DNAH14: variants seen among roughly 807,000 people sequenced by gnomAD.
DNAH14 encodes the protein axonemal beta dynein heavy chain 14.
Under a neutral mutation model 520.9 loss-of-function variants are expected in DNAH14, and 478 were observed. That is an observed-to-expected ratio of 0.92 (90% CI 0.85 to 0.99). DNAH14 has a LOEUF of 0.99. Ranked by LOEUF, DNAH14 falls within the 50% of genes least tolerant of loss-of-function variation. The probability of loss-of-function intolerance (pLI) is 0.00; values close to 1 mark genes in which losing one functional copy is unlikely to be tolerated. For missense variants in DNAH14, 4,831 were observed against 5,234.5 expected (o/e 0.92, Z 2.38); for synonymous variants, 1,581 against 1,757.2 (o/e 0.90, Z 2.51).
chr1:225,229,792 G>A (rs185207652), intron 41 of DNAH14, among the ~76,000 whole-genome samples: 2 of 152,216 alleles, frequency 1.3e-5, no homozygotes, highest in African/African-American at 4.8e-5. Context: ...GGGAGGGATA[G>A]CACTAGGAGA....
In DNAH14 at chr1:225,364,849, A is replaced by G. The variant is rs2150578883; in HGVS notation, c.12045A>G (p.Lys4015=). ...DPEFRLWLSS[K]SYSSFPIPVL... is the part of the protein sequence containing the mutation. ...AGTTTCGGCTATGGTTAAGCTCAAA[A>G]TCATACAGTTCTTTTCCAATTCCTG... Residue 4015 remains lysine, a synonymous_variant, in exon 76 of 86, where the codon AAA becomes AAG. Coordinates refer to ENST00000682510, the MANE Select transcript of DNAH14 (RefSeq NM_001367479.1). 5 of 1,549,056 alleles carry G rather than the reference A, an allele frequency of 3.2e-6. No homozygotes were observed. In the East Asian group the frequency reaches 9.8e-5, roughly 30 times the overall value.
intron 9 of DNAH14, among the ~76,000 whole-genome samples, chr1:225,003,278 G>A (rs985153816): frequency 6.6e-6 from 1 of 151,952 alleles, no homozygotes; most frequent in African/African-American, 2.4e-5. Flanking sequence ...CTTCAACTCA[G>A]AAGTTTTGGT....
chr1:225,278,427 C>T (rs547865420), intron 54 of DNAH14, among the ~76,000 whole-genome samples: 2 of 152,268 alleles, frequency 1.3e-5, no homozygotes, highest in South Asian at 4.2e-4. Context: ...CCACAGCCAC[C>T]ACGCTATTTA....
Position 225,185,324 on chromosome 1 carries a change from G to C in DNAH14, c.5569G>C (p.Gly1857Arg), listed in dbSNP as rs2084558143. 4 of 1,546,666 alleles carry C rather than the reference G, an allele frequency of 2.6e-6. No homozygotes were observed. Among genetic ancestry groups the C allele is most frequent in the East Asian group, 2.5e-5 (1 of 40,376 alleles). The change falls in exon 37 of 86, where the codon GGT becomes CGT. Residue 1857 changes from glycine (G) to arginine (R), a missense_variant. Transcript: ENST00000682510. Reference sequence around the variant, plus strand: ...TGGTGTGATGTTAGTGGGCCCAACAGGTGGAGGAAAGACAACAGTCAGAAG... The same window carrying C: ...TGGTGTGATGTTAGTGGGCCCAACACGTGGAGGAAAGACAACAGTCAGAAG... ...CVGVMLVGPTGGGKTTVRRIL... is the reference protein window; with the variant it reads ...CVGVMLVGPTRGGKTTVRRIL...
At chr1:225,088,786 T>A (rs1222006506) in intron 21 of DNAH14, among the ~76,000 whole-genome samples, 4 of 152,122 alleles carry the variant, frequency 2.6e-5, no homozygotes, top group African/African-American at 9.7e-5. Context: ...TCTGTAGATA[T>A]AAAATGTAAA....
intron 8 of DNAH14, among the ~76,000 whole-genome samples, chr1:224,999,456 C>T (rs12567812): frequency 0.055 from 8,387 of 152,152 alleles, 471 homozygotes; most frequent in East Asian, 0.23. Flanking sequence ...CTTCCTGCCT[C>T]GGCCTCCCAG....
chr1:225,168,283 G>A (rs952470510), intron 36 of DNAH14, among the ~76,000 whole-genome samples: 1 of 152,182 alleles, frequency 6.6e-6, no homozygotes, highest in Non-Finnish European at 1.5e-5. Context: ...TGAGGTAACG[G>A]GTTCATCGCA....
intron 17 of DNAH14, 36 bp downstream of exon 17, chr1:225,051,831 T>C: frequency 7.3e-7 from 1 of 1,365,054 alleles, no homozygotes; most frequent in African/African-American, 1.5e-5. Context: ...TGTAAGAATG[T>C]TTCAGATTAG....
chr1:225,153,617 G>A (rs1279019696), intron 33 of DNAH14, 133 bp from the exon 34 acceptor site: 1 of 574,328 alleles, frequency 1.7e-6, no homozygotes, highest in Non-Finnish European at 3.0e-6. Flanking sequence ...TATAACCAAG[G>A]GTTTTTTGGA....
chr1:225,267,220 C>CA (rs945417600), intron 49 of DNAH14, among the ~76,000 whole-genome samples: 1 of 147,704 alleles, frequency 6.8e-6, no homozygotes, highest in South Asian at 2.1e-4. Flanking sequence ...ATATCACAGT[C>CA]AAAAAAAATT....
intron 36 of DNAH14, among the ~76,000 whole-genome samples, chr1:225,182,253 C>T (rs1011549986): frequency 6.6e-6 from 1 of 151,928 alleles, no homozygotes; most frequent in East Asian, 1.9e-4. Flanking sequence ...AATGTGGACA[C>T]CTCATATATG....
intron 10 of DNAH14, among the ~76,000 whole-genome samples, chr1:225,018,051 G>T (rs148305205): frequency 2.6e-5 from 4 of 152,138 alleles, no homozygotes; most frequent in Non-Finnish European, 5.9e-5. Context: ...CTCCAGGAAA[G>T]GTTCTTAACC....
At chr1:225,081,967 C>T (rs900627791) in intron 19 of DNAH14, among the ~76,000 whole-genome samples, 6 of 151,746 alleles carry the variant, frequency 4.0e-5, no homozygotes, top group Admixed American at 2.6e-4. Flanking sequence ...CCATATTTAC[C>T]AAAATTTAAA....
intron 55 of DNAH14, among the ~76,000 whole-genome samples, chr1:225,296,101 A>G (rs2094000525): frequency 6.6e-6 from 1 of 152,052 alleles, no homozygotes. Flanking sequence ...ATCTTTTTCT[A>G]TCCCTTCACT....
At chr1:225,087,528 A>G (rs765634404) in intron 21 of DNAH14, among the ~76,000 whole-genome samples, 3 of 152,228 alleles carry the variant, frequency 2.0e-5, no homozygotes, top group Non-Finnish European at 4.4e-5. Flanking sequence ...GACACTGGAC[A>G]TCAGGTAATG....
chr1:225,354,724 TA>T (rs1011797626), intron 73 of DNAH14, among the ~76,000 whole-genome samples: 5 of 152,216 alleles, frequency 3.3e-5, no homozygotes, highest in East Asian at 3.9e-4. Context: ...CTTATTGCCT[TA>T]AAAAAATCTT....
chr1:225,192,266 A>T (rs770592274), intron 37 of DNAH14, among the ~76,000 whole-genome samples: 1 of 152,126 alleles, frequency 6.6e-6, no homozygotes. Flanking sequence ...GACATCTGAG[A>T]TACATAAAAC....
At chr1:225,308,432 T>C (rs777717569) in intron 60 of DNAH14, 22 bp downstream of exon 60, 1 of 1,504,050 alleles carries the variant, frequency 6.6e-7, no homozygotes, top group Non-Finnish European at 8.8e-7. Flanking sequence ...ATATTGTCAA[T>C]AAAAATAATT....
chr1:225,283,643 G>T (rs553886782), intron 54 of DNAH14, among the ~76,000 whole-genome samples: 75 of 152,152 alleles, frequency 4.9e-4, no homozygotes, highest in African/African-American at 1.8e-3. Context: ...CATAAAATCA[G>T]CAAGGTTACA....
Sources: gnomAD v4.1 joint callset for allele counts (sites outside exome capture counted in the v4.1 genomes callset) on GRCh38, gnomAD v4.1.1 for gene constraint, MANE v1.5 for transcripts, NCBI Gene and HGNC (gene_info 2026-07-23, HGNC 2026-07-21) for gene names.